Variants in WDR4 observed in about 807,000 individuals in gnomAD.
The protein encoded by WDR4 is WDR4 tRNA N7-guanosine methyltransferase non-catalytic subunit, also known as tRNA (guanine-N(7)-)-methyltransferase non-catalytic subunit WDR4.
In WDR4, 47 loss-of-function variants were observed where a neutral mutation model predicts 48.6. The ratio of observed to expected loss-of-function variants is 0.97; its 90% CI spans 0.77 to 1.23. The LOEUF (loss-of-function observed/expected upper bound fraction) is 1.23, where lower values mean the gene tolerates loss of function less well. Ranked by LOEUF, WDR4 falls within the 50% of genes most tolerant of loss-of-function variation. The probability of loss-of-function intolerance (pLI) is 0.00; values close to 1 mark genes in which losing one functional copy is unlikely to be tolerated. For synonymous variants in WDR4, 268 were observed against 230.0 expected (o/e 1.17, Z -1.49); for missense variants, 606 against 551.6 (o/e 1.10, Z -0.99).
chr21:42,892,561 A>AGG, the WDR4 span, among the ~76,000 whole-genome samples: 1 of 83,826 alleles, frequency 1.2e-5, no homozygotes, highest in Non-Finnish European at 2.3e-5. Flanking sequence ...TGGAAGCTGA[A>AGG]GGTGGCACGT....
chr21:42,846,406 A>G (rs560091441), downstream of WDR4, among the ~76,000 whole-genome samples: 7 of 152,354 alleles, frequency 4.6e-5, no homozygotes, highest in South Asian at 1.0e-3. Flanking sequence ...AGTGCCTAGA[A>G]GGGAACATGG....
chr21:42,853,836 C>A (rs968756865), intron 8 of WDR4, 84 bp from the exon 9 acceptor site: 6 of 1,411,810 alleles, frequency 4.2e-6, no homozygotes, highest in Non-Finnish European at 5.7e-6. Flanking sequence ...GACGGTGCAG[C>A]CCTCGCCGGT....
At position 42,862,167 on chromosome 21, in the gene WDR4, G is replaced by C; in HGVS notation, c.566+115C>G. On this transcript the variant is annotated intron_variant, in intron 5 of 10. Coordinates refer to ENST00000398208, the MANE Select transcript of WDR4 (RefSeq NM_018669.6). This position sits in a 1 kb window ranked among gnomAD's most constrained non-coding sequence, Gnocchi z 4.3. ...CAGTGACCAAACACCAAGCACGGGG[G>C]CTGCTGTCACCCGCGTGGGGCCTCG... The C allele has an allele frequency of 1.1e-6, 1 of 893,936 alleles. No homozygotes were observed. Among genetic ancestry groups the C allele is most frequent in the Non-Finnish European group, 1.7e-6 (1 of 587,658 alleles). The allele number at this position is 893,936 out of a possible 1,614,324, so 55.4% of individuals were successfully genotyped here.
At chr21:42,845,582 G>A (rs1602674208), downstream of WDR4, among the ~76,000 whole-genome samples, 1 of 152,330 alleles carries the variant, frequency 6.6e-6, no homozygotes, top group Non-Finnish European at 1.5e-5. Context: ...ACAGGATCAA[G>A]GTTAGGTCTG....
chr21:42,873,752 G>C, intron 2 of WDR4, 61 bp from the exon 3 acceptor site: 1 of 1,567,866 alleles, frequency 6.4e-7, no homozygotes, highest in Non-Finnish European at 8.7e-7. Context: ...TGCATTCCTT[G>C]TTGGCCAGCG....
intron 9 of WDR4, among the ~76,000 whole-genome samples, 182 bp downstream of exon 9, chr21:42,853,387 C>T (rs192699148): frequency 1.3e-5 from 2 of 152,356 alleles, no homozygotes; most frequent in African/African-American, 2.4e-5. Flanking sequence ...GCCTGGCACC[C>T]GGCTCCCTTC....
chr21:42,857,587 G>A (rs778523985), intron 6 of WDR4, among the ~76,000 whole-genome samples: 2 of 152,166 alleles, frequency 1.3e-5, no homozygotes, highest in African/African-American at 4.8e-5. Context: ...AAAAGTCCAC[G>A]CTCATCTCAG....
chr21:42,863,903 G>A (rs149288965), intron 3 of WDR4, among the ~76,000 whole-genome samples: 66,911 of 115,504 alleles, frequency 0.58, 21,452 homozygotes, highest in African/African-American at 0.83. Context: ...TCAGGAGATT[G>A]AGACCATTCT....
chr21:42,880,952 C>T (rs553050904), upstream of WDR4, among the ~76,000 whole-genome samples: 18 of 142,102 alleles, frequency 1.3e-4, no homozygotes, highest in East Asian at 3.4e-3. Flanking sequence ...TTTTTTTAGA[C>T]GGAGTCTCGC....
chr21:42,850,199 G>A lies in WDR4; in HGVS notation c.1089C>T (p.Ala363=), dbSNP rs17115515. ...ADASFSSLYK[A]TFDNVTSYLK... ...GGTAGGAGGTCACGTTGTCGAACGTGGCCTTGTAGAGACTGCTGAAGCTGG... is the reference window on the plus strand; with the variant it reads ...GGTAGGAGGTCACGTTGTCGAACGTAGCCTTGTAGAGACTGCTGAAGCTGG... The change falls in exon 11 of 11, where the codon GCC becomes GCT. Residue 363 remains alanine (A), a synonymous_variant. Coordinates refer to ENST00000398208, the MANE Select transcript of WDR4 (RefSeq NM_018669.6). 12,178 of 1,612,592 alleles carry A rather than the reference G, an allele frequency of 7.6e-3. 699 individuals are homozygous for A. The African/African-American group carries it at 0.13, about 18-fold the overall frequency.
intron 2 of WDR4, 95 bp downstream of exon 2, chr21:42,876,607 A>C: frequency 8.3e-7 from 1 of 1,206,706 alleles, no homozygotes; most frequent in South Asian, 1.4e-5. Flanking sequence ...AGAAGCTAAG[A>C]ATTCAGCAAG....
At position 42,879,340 on chromosome 21, in the gene WDR4, G is replaced by C. The variant is rs2058578290; in HGVS notation, c.89+67C>G. 4 of 1,579,394 alleles carry C rather than the reference G, an allele frequency of 2.5e-6. No individual in the cohort carries two copies. In the East Asian group the frequency reaches 6.8e-5, roughly 27 times the overall value. ...TGCGACCAGGCGGTGCGGGAGAAGC[G>C]GGGTCGCCAGGACCCGACGCGCGCC... On this transcript the variant is annotated intron_variant, in intron 1 of 10. Coordinates refer to ENST00000398208, the MANE Select transcript of WDR4 (RefSeq NM_018669.6).
At chr21:42,864,091 G>C (rs536808630) in intron 3 of WDR4, among the ~76,000 whole-genome samples, 1 of 66,182 alleles carries the variant, frequency 1.5e-5, no homozygotes, top group Non-Finnish European at 2.6e-5. Flanking sequence ...TGGGGCGACA[G>C]AGCGAGACTC....
At chr21:42,848,766 C>T (rs548333362), downstream of WDR4, among the ~76,000 whole-genome samples, 1 of 70,344 alleles carries the variant, frequency 1.4e-5, no homozygotes, top group East Asian at 4.2e-4. Context: ...GATCACGCGG[C>T]GCGCACCTCA....
Position 42,851,186 on chromosome 21 carries a change from A to G in WDR4, c.1046-944T>C, listed in dbSNP as rs551629843. Among the ~76,000 whole-genome samples, 17 of 152,326 alleles carry G rather than the reference A, an allele frequency of 1.1e-4. No homozygotes were observed. In the East Asian group the frequency reaches 3.3e-3, roughly 29 times the overall value. ...GTCTATGCTGTCCGTGGCCTAGAGC[A>G]CGGGGGCCATGAGCACTGCAGATGC... On this transcript the variant is annotated intron_variant, in intron 10 of 10. Coordinates refer to ENST00000398208, the MANE Select transcript of WDR4 (RefSeq NM_018669.6).
downstream of WDR4, among the ~76,000 whole-genome samples, chr21:42,845,480 G>C (rs994216286): frequency 1.3e-5 from 2 of 152,236 alleles, no homozygotes; most frequent in African/African-American, 4.8e-5. Flanking sequence ...TTGTAGGCTG[G>C]CTGAGTGCCC....
chr21:42,885,026 T>G, the WDR4 span, among the ~76,000 whole-genome samples: 1 of 152,160 alleles, frequency 6.6e-6, no homozygotes, highest in Non-Finnish European at 1.5e-5. Flanking sequence ...TCCGCCCGCC[T>G]TGGCTTCCCA....
At chr21:42,857,337 C>T (rs1419366304) in intron 6 of WDR4, among the ~76,000 whole-genome samples, 1 of 152,072 alleles carries the variant, frequency 6.6e-6, no homozygotes, top group Admixed American at 6.5e-5. Flanking sequence ...GACCGACTGA[C>T]CCACACGTTC....
rs200946434 is a variant in WDR4 at position 42,852,278 on chromosome 21, C to G, written c.1022G>C (p.Arg341Pro). 1 of 1,614,054 alleles carries G rather than the reference C, an allele frequency of 6.2e-7. No individual in the cohort carries two copies. The highest frequency in any genetic ancestry group is 1.1e-5 in the South Asian group (1 of 91,070). ...TVLKKVSGVL[R>P]GNWAMLEGSA... is the part of the protein sequence containing the mutation. Reference sequence around the variant, plus strand: ...ACCTTCCAGCATGGCCCAGTTCCCACGAAGAACACCAGAGACTTTCTTTAA... The same window carrying G: ...ACCTTCCAGCATGGCCCAGTTCCCAGGAAGAACACCAGAGACTTTCTTTAA... The change falls in exon 10 of 11, where the codon CGT (arginine) becomes CCT (proline). Residue 341 changes from arginine to proline, a missense_variant. Coordinates refer to ENST00000398208, the MANE Select transcript of WDR4 (RefSeq NM_018669.6).
Sources: allele counts gnomAD v4.1 joint callset (sites outside exome capture counted in the v4.1 genomes callset), GRCh38; gene constraint gnomAD v4.1.1; non-coding constraint Gnocchi (gnomAD v3.1); transcripts MANE v1.5; gene names NCBI Gene and HGNC (gene_info 2026-07-23, HGNC 2026-07-21).